Variants in SPTBN1 observed in about 807,000 individuals in gnomAD.
The protein encoded by SPTBN1 is spectrin beta chain, non-erythrocytic 1.
A neutral mutation model predicts 266.4 loss-of-function variants in SPTBN1; 32 were observed. That is an observed-to-expected ratio of 0.12 (90% CI 0.09 to 0.16). The LOEUF is 0.16. Among genes scored for constraint, SPTBN1 ranks in the 10% least tolerant of loss-of-function variants. The probability of loss-of-function intolerance (pLI) is 1.00; values close to 1 mark genes in which losing one functional copy is unlikely to be tolerated. For synonymous variants in SPTBN1, 1,336 were observed against 1,162.2 expected (o/e 1.15, Z -3.04); for missense variants, 2,296 against 3,067.1 (o/e 0.75, Z 5.94).
intron 2 of SPTBN1, 68 bp downstream of exon 2, chr2:54,526,634 A>G: frequency 6.5e-7 from 1 of 1,529,882 alleles, no homozygotes; most frequent in African/African-American, 1.4e-5. Context: ...AAAATCATCC[A>G]CCCTGTTCCC....
chr2:54,479,568 A>G (rs1274041525), intron 1 of SPTBN1, among the ~76,000 whole-genome samples: 1 of 152,208 alleles, frequency 6.6e-6, no homozygotes, highest in East Asian at 1.9e-4. Flanking sequence ...CAGCAGGCAT[A>G]AACTAGGAAG....
At chr2:54,462,034 T>C (rs1241345134) in intron 1 of SPTBN1, among the ~76,000 whole-genome samples, 1 of 152,238 alleles carries the variant, frequency 6.6e-6, no homozygotes, top group Non-Finnish European at 1.5e-5. Context: ...CAAATCCTAA[T>C]GGTGTTGTAT....
intron 2 of SPTBN1, among the ~76,000 whole-genome samples, chr2:54,550,215 G>A (rs1232722092): frequency 3.3e-5 from 5 of 152,152 alleles, no homozygotes; most frequent in Admixed American, 6.5e-5. Context: ...TCCTACTTAC[G>A]AGGCAGCTGG....
chr2:54,489,787 A>G (rs969568803), intron 1 of SPTBN1, among the ~76,000 whole-genome samples: 3 of 152,342 alleles, frequency 2.0e-5, no homozygotes, highest in South Asian at 2.1e-4. Flanking sequence ...GCGTGCATAC[A>G]TTTAGCAATC....
At chr2:54,498,256 G>A (rs540302534) in intron 1 of SPTBN1, among the ~76,000 whole-genome samples, 1 of 152,348 alleles carries the variant, frequency 6.6e-6, no homozygotes, top group Admixed American at 6.5e-5. Flanking sequence ...AGACGGGAAT[G>A]TTCGGTAGAC....
chr2:54,490,648 C>T (rs1668638183), intron 1 of SPTBN1, among the ~76,000 whole-genome samples: 1 of 152,118 alleles, frequency 6.6e-6, no homozygotes, highest in South Asian at 2.1e-4. Context: ...GGATAACCAC[C>T]TTAGTAGCAA....
rs779012205 is a variant in SPTBN1, at chr2:54,653,008, ATATTTT to A, written c.5578-598_5578-593del. ...TTTACCAAATCACAATTCTCAATGT[ATATTTT>A]TAGTTTTGCAAGGTTTTTGTTGAAA... On this transcript the variant is annotated intron_variant, in intron 26 of 35. Coordinates refer to ENST00000356805, the MANE Select transcript of SPTBN1 (RefSeq NM_003128.3). The surrounding 1 kb of genome is among the most constrained non-coding windows in gnomAD (Gnocchi z 5.1). 1 of 152,162 alleles carries A rather than the reference ATATTTT, an allele frequency of 6.6e-6. No individual in the cohort carries two copies. The highest frequency in any genetic ancestry group is 1.5e-5 in the Non-Finnish European group (1 of 68,044). 9.4% of individuals were successfully genotyped at this position (152,162 alleles called of 1,614,324 possible).
rs74890983 is a variant in SPTBN1 at position 54,523,354 on chromosome 2, G to A, written c.-47-3018G>A. ...AATCCAGGATTTTACTTCCATTCAGGATTTTTCTATTAGAGCAGAGATGGG... is the reference window on the plus strand; with the variant it reads ...AATCCAGGATTTTACTTCCATTCAGAATTTTTCTATTAGAGCAGAGATGGG... On this transcript the variant is annotated intron_variant, in intron 1 of 35. Coordinates refer to ENST00000356805, the MANE Select transcript of SPTBN1 (RefSeq NM_003128.3). Among the ~76,000 whole-genome samples the A allele has an allele frequency of 3.0e-3, 452 of 152,318 alleles. 11 individuals carry two copies. In the South Asian group the frequency reaches 0.057, roughly 19 times the overall value.
chr2:54,653,657 G>T lies in SPTBN1; in HGVS notation c.5626G>T (p.Gly1876Cys). Residue 1876 changes from glycine to cysteine, a missense_variant, in exon 27 of 36, where the codon GGT (glycine) becomes TGT (cysteine). Physicochemically the swap from Gly to Cys is radical, Grantham distance 159 (BLOSUM62 -3). This residue lies in a region of SPTBN1 where 644 missense variants were observed against 745.3 expected (regional missense o/e 0.86). Coordinates refer to ENST00000356805, the MANE Select transcript of SPTBN1 (RefSeq NM_003128.3). The surrounding 1 kb of genome is among the most constrained non-coding windows in gnomAD (Gnocchi z 5.1). The part of the protein sequence containing the change: ...DAARLQAAYA[G>C]DKADDIQKRE... ...AGCCCGCCTCCAGGCGGCCTATGCG[G>T]GTGACAAGGCCGACGATATCCAGAA... 4 of 1,614,148 alleles carry T rather than the reference G, an allele frequency of 2.5e-6. No individual in the cohort carries two copies. Among genetic ancestry groups the T allele is most frequent in the Non-Finnish European group, 3.4e-6 (4 of 1,180,024 alleles).
At chr2:54,616,055 T>G in intron 4 of SPTBN1, 152 bp from the exon 5 acceptor site, 1 of 566,014 alleles carries the variant, frequency 1.8e-6, no homozygotes, top group Non-Finnish European at 3.0e-6. Flanking sequence ...AGCCCAGACT[T>G]CAGGAAGCAG....
chr2:54,650,668 GTATC>G (rs1262968887), intron 26 of SPTBN1, among the ~76,000 whole-genome samples: 2 of 152,158 alleles, frequency 1.3e-5, no homozygotes, highest in African/African-American at 4.8e-5. Context: ...AGTATATTGA[GTATC>G]TAAGTTATCT....
At chr2:54,537,000 T>G (rs923491325) in intron 2 of SPTBN1, among the ~76,000 whole-genome samples, 38 of 152,344 alleles carry the variant, frequency 2.5e-4, no homozygotes, top group African/African-American at 8.9e-4. Flanking sequence ...GCCACTGCAC[T>G]TCAGACTGGG....
Position 54,626,240 on chromosome 2 carries a change from A to G in SPTBN1, c.1644+6A>G, listed in dbSNP as rs750495148. 4 of 1,609,532 alleles carry G rather than the reference A, an allele frequency of 2.5e-6. No individual in the cohort carries two copies. The East Asian group carries it at 8.9e-5, about 36-fold the overall frequency. On this transcript the variant is annotated splice_donor_region_variant and intron_variant, in intron 12 of 35. Transcript: ENST00000356805. This position sits in a 1 kb window ranked among gnomAD's most constrained non-coding sequence, Gnocchi z 4.7. ...ACTGGATGGATGAAATGAAGGTAAA[A>G]CCTGACCGAAAGGAAGGACGACAGA...
rs1326732484 is a variant in SPTBN1, at chr2:54,621,367, A to G, written c.764-33A>G. 4 of 1,560,626 alleles carry G rather than the reference A, an allele frequency of 2.6e-6. No individual in the cohort carries two copies. The Admixed American group carries it at 6.7e-5, about 26-fold the overall frequency. ...ACCTGGGTGGGGCACAGTAGCATGC[A>G]ACACACTGAACAGAGTCTTCTCTGG... On this transcript the variant is annotated intron_variant, in intron 7 of 35. Coordinates refer to ENST00000356805, the MANE Select transcript of SPTBN1 (RefSeq NM_003128.3).
At chr2:54,484,254 G>A (rs1558766534) in intron 1 of SPTBN1, among the ~76,000 whole-genome samples, 1 of 152,154 alleles carries the variant, frequency 6.6e-6, no homozygotes, top group Non-Finnish European at 1.5e-5. Flanking sequence ...GCCTTTCTCT[G>A]AGAAATAAAT....
chr2:54,598,457 C>G (rs1676251548), intron 2 of SPTBN1, among the ~76,000 whole-genome samples: 1 of 64,914 alleles, frequency 1.5e-5, no homozygotes, highest in East Asian at 2.5e-4. Flanking sequence ...TACCATGTTG[C>G]TTGCCATTTT....
chr2:54,505,984 C>T (rs546233112), intron 1 of SPTBN1, among the ~76,000 whole-genome samples: 14 of 152,030 alleles, frequency 9.2e-5, no homozygotes, highest in Middle Eastern at 6.8e-3. Flanking sequence ...ATTAGCTGGG[C>T]GAGGTGACGG....
In SPTBN1 at chr2:54,558,918, C is replaced by G. The variant is rs772557561; in HGVS notation, c.148+32352C>G. Reference sequence around the variant, plus strand: ...CCCCCTCCCAAAGGCCGGGCCTGTCCTGGGTGCCAACGGGGGTTCTTGGAG... The same window carrying G: ...CCCCCTCCCAAAGGCCGGGCCTGTCGTGGGTGCCAACGGGGGTTCTTGGAG... On this transcript the variant is annotated intron_variant, in intron 2 of 35. Coordinates refer to ENST00000356805, the MANE Select transcript of SPTBN1 (RefSeq NM_003128.3). This position sits in a 1 kb window ranked among gnomAD's most constrained non-coding sequence, Gnocchi z 4.6. The G allele has an allele frequency of 4.4e-6, 7 of 1,603,488 alleles. No individual in the cohort carries two copies. In the African/African-American group the frequency reaches 8.1e-5, roughly 18 times the overall value.
chr2:54,492,286 C>T (rs1039825004), intron 1 of SPTBN1, among the ~76,000 whole-genome samples: 2 of 149,562 alleles, frequency 1.3e-5, no homozygotes, highest in African/African-American at 2.4e-5. Context: ...AGTAGGTGTA[C>T]CCTATTTCTA....
Sources: allele counts gnomAD v4.1 joint callset (sites outside exome capture counted in the v4.1 genomes callset), GRCh38; gene constraint gnomAD v4.1.1; regional missense constraint gnomAD v4.1.1; non-coding constraint Gnocchi (gnomAD v3.1); transcripts MANE v1.5; gene names NCBI Gene and HGNC (gene_info 2026-07-23, HGNC 2026-07-21).